The following SLC46A1 variants were observed in gnomAD, a reference collection of about 807,000 sequenced individuals.
The protein encoded by SLC46A1 is solute carrier family 46 member 1, also known as proton-coupled folate transporter.
SLC46A1 carries 17 observed loss-of-function variants against 32.1 expected under a neutral mutation model. The observed-to-expected ratio is 0.53, with a 90% CI of 0.36 to 0.79. The LOEUF is 0.79. Among genes scored for constraint, SLC46A1 ranks in the 30% least tolerant of loss-of-function variants. The pLI is 0.00. For synonymous variants in SLC46A1, 240 were observed against 262.7 expected, an observed-to-expected ratio of 0.91 and a Z score of 0.84; for missense variants, 517 against 588.2, an observed-to-expected ratio of 0.88 and a Z score of 1.25.
chr17:28,399,379 T>C lies in SLC46A1; in HGVS notation c.*277A>G, dbSNP rs886052751. 3 of 469,136 alleles carry C rather than the reference T, an allele frequency of 6.4e-6. No individual in the cohort carries two copies. The highest frequency in any genetic ancestry group is 7.6e-5 in the East Asian group (2 of 26,400). The allele number at this position is 469,136 out of a possible 1,614,324, so 29.1% of individuals were successfully genotyped here. A position where few individuals can be genotyped will look rare whatever the true frequency, so the allele number is the denominator to read the frequency against. On this transcript the variant is annotated 3_prime_UTR_variant, in exon 5 of 5. Transcript: ENST00000612814. ...GGCCTGTGGGGTTATAAGTGATGGA[T>C]AGCAGAAAGGGAGAACTGACTCCTG...
Position 28,405,150 on chromosome 17 carries a change from G to A in SLC46A1, c.547C>T (p.Leu183=). 6.2e-7 allele frequency: 1 copy of A among 1,612,036 alleles called. No homozygotes were observed. Among genetic ancestry groups the A allele is most frequent in the South Asian group, 1.1e-5 (1 of 90,956 alleles). The change falls in exon 2 of 5, where the codon CTG becomes TTG. Residue 183 remains leucine (L), a synonymous_variant. Coordinates refer to ENST00000612814, the MANE Select transcript of SLC46A1 (RefSeq NM_080669.6). ...SSRSRTFRMA[L]LEASIGVAGM... Reference sequence around the variant, plus strand: ...GCCACCCCGATGCTGGCTTCCAGCAGGGCCATCCGGAAGGTGCGGCTGCGA... The same window carrying A: ...GCCACCCCGATGCTGGCTTCCAGCAAGGCCATCCGGAAGGTGCGGCTGCGA...
rs1427476118 is a variant in SLC46A1, at chr17:28,405,666, C to T, written c.229-198G>A. On this transcript the variant is annotated intron_variant, in intron 1 of 4. Transcript: ENST00000612814. ...AAGGCCCCATTCCCTTTCCTTTCCC[C>T]CCCCTTTTGTTAACCTGCAAGGCCA... The T allele has an allele frequency of 4.1e-6, 4 of 978,926 alleles. No homozygotes were observed. In the African/African-American group the frequency reaches 4.9e-5, roughly 12 times the overall value. The allele number at this position is 978,926 out of a possible 1,614,324, so 60.6% of individuals were successfully genotyped here.
rs1567818257 is a variant in SLC46A1, at chr17:28,404,807, A to G, written c.890T>C (p.Leu297Pro). 1 of 1,613,968 alleles carries G rather than the reference A, an allele frequency of 6.2e-7. No individual in the cohort carries two copies. The highest frequency in any genetic ancestry group is 1.7e-5 in the Admixed American group (1 of 60,022). ...ILTLYELSTP[L>P]CWDSKLIGYG... ...GCCGATTAGTTTGGAGTCCCAGCAG[A>G]GGGGTGTGCTTAGTTCATAAAGGGT... The change falls in exon 2 of 5, where the codon CTC becomes CCC. Residue 297 changes from leucine (L) to proline (P), a missense_variant. Physicochemically the swap from Leu to Pro is moderately conservative, Grantham distance 98. Transcript: ENST00000612814.
intron 3 of SLC46A1, 36 bp downstream of exon 3, chr17:28,402,202 A>T (rs565705302): frequency 1.3e-6 from 2 of 1,587,696 alleles, no homozygotes; most frequent in South Asian, 2.3e-5. Context: ...AGCACTGGAC[A>T]TGAGGAACCA....
intron 4 of SLC46A1, 133 bp from the exon 5 acceptor site, chr17:28,399,846 A>C (rs1162980180): frequency 2.2e-5 from 19 of 851,534 alleles, no homozygotes; most frequent in Admixed American, 1.2e-4. Context: ...CCCCAAGCTG[A>C]GAAGCTGAGA....
chr17:28,406,286 C>G (rs2068261965), upstream of SLC46A1: 1 of 491,272 alleles, frequency 2.0e-6, no homozygotes, highest in African/African-American at 2.0e-5. This position sits in a 1 kb window ranked among gnomAD's most constrained non-coding sequence, Gnocchi z 4.5. Flanking sequence ...CGGACTCTCG[C>G]CGCGGGTGCA....
chr17:28,405,335 G>A lies in SLC46A1; in HGVS notation c.362C>T (p.Ser121Leu), dbSNP rs1555590938. The A allele has an allele frequency of 3.8e-6, 6 of 1,591,092 alleles. No homozygotes were observed. Among genetic ancestry groups the A allele is most frequent in the Admixed American group, 1.8e-5 (1 of 56,152 alleles). Residue 121 changes from serine (S) to leucine (L), a missense_variant, in exon 2 of 5, where the codon TCG (serine) becomes TTG (leucine). By Grantham distance (145) the Ser-to-Leu change is moderately radical. Coordinates refer to ENST00000612814, the MANE Select transcript of SLC46A1 (RefSeq NM_080669.6). ...VGRRPLLVLA[S>L]LGLLLQALVS... is the part of the protein sequence containing the mutation. ...TAGGGCCTGGAGCAGCAGGCCCAGC[G>A]AGGCCAGCACTAGCAGCGGGCGGCG...
At position 28,395,795 on chromosome 17, in the gene SLC46A1, G is replaced by A. The variant is rs2068113781; in HGVS notation, c.*3861C>T. On this transcript the variant is annotated 3_prime_UTR_variant, in exon 5 of 5. Transcript: ENST00000612814. ...CATCAAGGTGGACATCAGGACTGGT[G>A]TCCTGCCCTGGGCCCAGCCTCGGGC... 3 of 1,202,674 alleles carry A rather than the reference G, an allele frequency of 2.5e-6. No homozygotes were observed. Among genetic ancestry groups the A allele is most frequent in the Middle Eastern group, 2.0e-4 (1 of 4,994 alleles). The allele number at this position is 1,202,674 out of a possible 1,614,324, so 74.5% of individuals were successfully genotyped here.
chr17:28,400,478 G>A, intron 4 of SLC46A1, 132 bp downstream of exon 4: 1 of 1,272,354 alleles, frequency 7.9e-7, no homozygotes, highest in Non-Finnish European at 1.1e-6. Context: ...CAAGGAGAGG[G>A]GCAACCTGGG....
rs367878633 is a variant in SLC46A1 at position 28,396,289 on chromosome 17, A to C, written c.*3367T>G. ...CTGCACCCATGGGTCCAACCTAACC[A>C]GTCCCCAGTTCCCCAGCCCTGCTGT... On this transcript the variant is annotated 3_prime_UTR_variant, in exon 5 of 5. Transcript: ENST00000612814. 1 of 1,613,784 alleles carries C rather than the reference A, an allele frequency of 6.2e-7. No individual in the cohort carries two copies. The highest frequency in any genetic ancestry group is 8.5e-7 in the Non-Finnish European group (1 of 1,179,794).
Position 28,404,683 on chromosome 17 carries a change from G to A in SLC46A1, c.1014C>T (p.Gly338=), listed in dbSNP as rs782258451. 6.2e-6 allele frequency: 10 copies of A among 1,613,558 alleles called. No homozygotes were observed. In the South Asian group the frequency reaches 9.9e-5, roughly 16 times the overall value. ...CLADAWVAEI[G]LAFNILGMVV... Reference sequence around the variant, plus strand: ...CCATCCCCAGGATGTTGAAGGCCAGGCCGATCTCAGCTACCCAGGCATCGG... The same window carrying A: ...CCATCCCCAGGATGTTGAAGGCCAGACCGATCTCAGCTACCCAGGCATCGG... The change falls in exon 2 of 5, where the codon GGC becomes GGT. Residue 338 remains glycine (G), a synonymous_variant. Coordinates refer to ENST00000612814, the MANE Select transcript of SLC46A1 (RefSeq NM_080669.6).
chr17:28,405,294 C>A lies in SLC46A1; in HGVS notation c.403G>T (p.Val135Leu). Residue 135 changes from valine to leucine, a missense_variant, in exon 2 of 5, where the codon GTG becomes TTG. Val to Leu is a conservative substitution (Grantham distance 32). Transcript: ENST00000612814. ...LLQALVSVFV[V>L]QLQLHVGYFV... ...TAGCCGACGTGGAGCTGCAGCTGCA[C>A]CACAAAAACGGACACTAGGGCCTGG... 1 of 1,589,454 alleles carries A rather than the reference C, an allele frequency of 6.3e-7. No individual in the cohort carries two copies. Among genetic ancestry groups the A allele is most frequent in the Non-Finnish European group, 8.6e-7 (1 of 1,168,656 alleles).
Position 28,395,667 on chromosome 17 carries a change from C to G in SLC46A1, c.*3989G>C. 2 of 491,846 alleles carry G rather than the reference C, an allele frequency of 4.1e-6. No homozygotes were observed. The highest frequency in any genetic ancestry group is 7.3e-6 in the Non-Finnish European group (2 of 272,452). 30.5% of individuals were successfully genotyped at this position (491,846 alleles called of 1,614,324 possible). A position where few individuals can be genotyped will look rare whatever the true frequency, so the allele number is the denominator to read the frequency against. ...ATCATCTCTTTAGCATACAAAGACACTCATCACTCAAGAGATTCCAAGGGT... is the reference window on the plus strand; with the variant it reads ...ATCATCTCTTTAGCATACAAAGACAGTCATCACTCAAGAGATTCCAAGGGT... On this transcript the variant is annotated 3_prime_UTR_variant, in exon 5 of 5. Transcript: ENST00000612814.
intron 4 of SLC46A1, 168 bp downstream of exon 4, chr17:28,400,442 C>T: frequency 1.2e-6 from 1 of 818,898 alleles, no homozygotes; most frequent in Non-Finnish European, 1.9e-6. Flanking sequence ...TGGAAAATGG[C>T]TCCTGGAGGA....
rs1555589772 is a variant in SLC46A1 at position 28,402,283 on chromosome 17, C to G, written c.1120G>C (p.Val374Leu). 1 of 1,613,614 alleles carries G rather than the reference C, an allele frequency of 6.2e-7. No homozygotes were observed. The highest frequency in any genetic ancestry group is 1.7e-5 in the Admixed American group (1 of 59,958). ...LLFLSLVITP[V>L]IRAKLSKLVR... Reference sequence around the variant, plus strand: ...AGCTTGGAGAGTTTAGCCCGGATGACAGGTGTGATGACTAATGACAGGAAA... The same window carrying G: ...AGCTTGGAGAGTTTAGCCCGGATGAGAGGTGTGATGACTAATGACAGGAAA... The change falls in exon 3 of 5, where the codon GTC becomes CTC. Residue 374 changes from valine to leucine, a missense_variant. Coordinates refer to ENST00000612814, the MANE Select transcript of SLC46A1 (RefSeq NM_080669.6).
At position 28,394,979 on chromosome 17, in the gene SLC46A1, G is replaced by A. The variant is rs1345255426; in HGVS notation, c.*4677C>T. On this transcript the variant is annotated 3_prime_UTR_variant, in exon 5 of 5. Coordinates refer to ENST00000612814, the MANE Select transcript of SLC46A1 (RefSeq NM_080669.6). Reference sequence around the variant, plus strand: ...GTGATCTAAGTGGGGATCTAAGGGAGTCTTATCTCTGGTGCCATTTGGTCT... The same window carrying A: ...GTGATCTAAGTGGGGATCTAAGGGAATCTTATCTCTGGTGCCATTTGGTCT... 1.4e-4 allele frequency: 21 copies of A among 151,266 alleles called. No homozygotes were observed. Among genetic ancestry groups the A allele is most frequent in the Admixed American group, 1.4e-3 (21 of 15,158 alleles). 9.4% of individuals were successfully genotyped at this position (151,266 alleles called of 1,614,324 possible).
chr17:28,400,660 G>A lies in SLC46A1; in HGVS notation c.1272C>T (p.Phe424=). The A allele has an allele frequency of 6.2e-7, 1 of 1,613,686 alleles. No homozygotes were observed. The highest frequency in any genetic ancestry group is 1.1e-5 in the South Asian group (1 of 91,012). The change falls in exon 4 of 5, where the codon TTC becomes TTT. Residue 424 remains phenylalanine (F), a synonymous_variant. Coordinates refer to ENST00000612814, the MANE Select transcript of SLC46A1 (RefSeq NM_080669.6). ...GGAGGCCAGCTCCCAGGAGGAAGGG[G>A]AACCCCTTCATAAAGTTCAGAGTGG... The part of the protein sequence containing the change: ...YPATLNFMKG[F]PFLLGAGLLL...
chr17:28,402,196 C>G lies in SLC46A1; in HGVS notation c.1165+42G>C, dbSNP rs41297097. 6,659 of 1,572,678 alleles carry G rather than the reference C, an allele frequency of 4.2e-3. 234 individuals are homozygous for G. In the African/African-American group the frequency reaches 0.08, roughly 19 times the overall value. ...GCCCATCAGCCCGTTTCGGGCAGCA[C>G]TGGACATGAGGAACCAGACACAGGT... On this transcript the variant is annotated intron_variant, in intron 3 of 4. Coordinates refer to ENST00000612814, the MANE Select transcript of SLC46A1 (RefSeq NM_080669.6).
intron 4 of SLC46A1, 181 bp downstream of exon 4, chr17:28,400,429 C>A (rs2068181859): frequency 1.4e-6 from 1 of 722,116 alleles, no homozygotes; most frequent in African/African-American, 1.8e-5. Context: ...GCCATCTCGC[C>A]CTTGGAAAAT....
Sources: allele counts gnomAD v4.1 joint callset, GRCh38; gene constraint gnomAD v4.1.1; non-coding constraint Gnocchi (gnomAD v3.1); transcripts MANE v1.5; gene names NCBI Gene and HGNC (gene_info 2026-07-23, HGNC 2026-07-21).